Variants in DNAH5 observed in about 807,000 individuals in gnomAD.
The protein encoded by DNAH5 is axonemal beta dynein heavy chain 5.
In DNAH5, 372 loss-of-function variants were observed where a neutral mutation model predicts 518.2. The observed-to-expected ratio is 0.72, with a 90% confidence interval of 0.66 to 0.78. DNAH5 has a LOEUF of 0.78. DNAH5 is among the 30% of genes least tolerant of loss of function. The pLI is 0.00. For synonymous variants in DNAH5, 2,039 were observed against 2,025.9 expected, an observed-to-expected ratio of 1.01 and a Z score of -0.17; for missense variants, 5,523 against 5,687.0, an observed-to-expected ratio of 0.97 and a Z score of 0.93.
chr5:13,895,792 C>G (rs1773850001), intron 15 of DNAH5, among the ~76,000 whole-genome samples: 1 of 151,976 alleles, frequency 6.6e-6, no homozygotes, highest in South Asian at 2.1e-4. Flanking sequence ...GCAGACATTT[C>G]AAACTTAATA....
At chr5:13,824,505 A>G (rs561110172) in intron 38 of DNAH5, among the ~76,000 whole-genome samples, 172 bp from the exon 39 acceptor site, 1 of 152,334 alleles carries the variant, frequency 6.6e-6, no homozygotes, top group African/African-American at 2.4e-5. Context: ...GTTTTGAGCA[A>G]ATAGGGAATA....
At chr5:13,729,232 C>A (rs1746169135) in intron 69 of DNAH5, among the ~76,000 whole-genome samples, 1 of 152,212 alleles carries the variant, frequency 6.6e-6, no homozygotes, top group Non-Finnish European at 1.5e-5. Flanking sequence ...TTCCTGGGCA[C>A]ATTTCTACCT....
rs1188153066 is a variant in DNAH5, at chr5:13,797,705, C to T, written c.7888-3647G>A. Among the ~76,000 whole-genome samples the T allele has an allele frequency of 2.0e-5, 3 of 152,108 alleles. No homozygotes were observed. The East Asian group carries it at 5.8e-4, about 29-fold the overall frequency. ...TTGACCCAGCAATCCCATTACTGGGCATATACCAAAAGGATTATAAATCAT... is the reference window on the plus strand; with the variant it reads ...TTGACCCAGCAATCCCATTACTGGGTATATACCAAAAGGATTATAAATCAT... On this transcript the variant is annotated intron_variant, in intron 47 of 78. Coordinates refer to ENST00000265104, the MANE Select transcript of DNAH5 (RefSeq NM_001369.3).
At chr5:13,879,554 C>A (rs924960369) in intron 21 of DNAH5, among the ~76,000 whole-genome samples, 2 of 151,866 alleles carry the variant, frequency 1.3e-5, no homozygotes, top group African/African-American at 2.4e-5. Context: ...AAGATCCTCA[C>A]CAATATCAAG....
rs145209155 is a variant in DNAH5, at chr5:13,788,881, G to A, written c.8482C>T (p.Arg2828Cys). The change falls in exon 51 of 79, where the codon CGT (arginine) becomes TGT (cysteine). Residue 2828 changes from arginine to cysteine, a missense_variant. By Grantham distance (180) the Arg-to-Cys change is radical. Around this residue, in one of 3 missense-constraint regions of DNAH5, gnomAD observed 5,121 missense variants for 5,223.3 expected, o/e 0.98. Coordinates refer to ENST00000265104, the MANE Select transcript of DNAH5 (RefSeq NM_001369.3). ...ACTGTGAAACGGTCAGCTATAACAC[G>A]TTTACACTCATGCTTCCACAGCTTT... is the stretch of plus-strand genomic sequence containing the variant. ...LLKLWKHECK[R>C]VIADRFTVSS... 136 of 1,613,868 alleles carry A rather than the reference G, an allele frequency of 8.4e-5. No homozygotes were observed. The highest frequency in any genetic ancestry group is 1.5e-4 in the Admixed American group (9 of 59,968).
intron 46 of DNAH5, 61 bp from the exon 47 acceptor site, chr5:13,807,786 T>G (rs1759869607): frequency 6.9e-7 from 1 of 1,445,432 alleles, no homozygotes. Flanking sequence ...GGGCTGAATT[T>G]GTCCCCCCAA....
rs778914529 is a variant in DNAH5 at position 13,830,154 on chromosome 5, C to T, written c.6121G>A (p.Val2041Ile). 1 of 1,613,994 alleles carries T rather than the reference C, an allele frequency of 6.2e-7. No homozygotes were observed. Among genetic ancestry groups the T allele is most frequent in the Non-Finnish European group, 8.5e-7 (1 of 1,179,962 alleles). Residue 2041 changes from valine (V) to isoleucine (I), a missense_variant, in exon 37 of 79, where the codon GTT (valine) becomes ATT (isoleucine). Transcript: ENST00000265104. ...FDEFNRIDLP[V>I]LSVAAQQISI... ...ATTTGCTGGGCTGCAACCGAGAGAA[C>T]TGGTAGATCAATACGGTTAAATTCA...
intron 61 of DNAH5, among the ~76,000 whole-genome samples, chr5:13,755,153 T>G (rs991502673): frequency 6.6e-6 from 1 of 152,192 alleles, no homozygotes; most frequent in African/African-American, 2.4e-5. Context: ...TGGCTCTGTT[T>G]CTTAGTGTTT....
rs6554808 is a variant in DNAH5, at chr5:13,735,038, C to A, written c.11761+93G>T. The A allele has an allele frequency of 0.58, 663,603 of 1,152,026 alleles. 192,597 individuals carry two copies. The highest frequency in any genetic ancestry group is 0.69 in the African/African-American group (45,146 of 65,790). 71.4% of individuals were successfully genotyped at this position (1,152,026 alleles called of 1,614,324 possible). ...AAATGCAGTCTTACATAATGCAAGG[C>A]AATTGTTATAACCAAAAAATGTACT... On this transcript the variant is annotated intron_variant, in intron 68 of 78. Transcript: ENST00000265104.
At chr5:13,717,966 AAAT>A (rs1051314087) in intron 72 of DNAH5, among the ~76,000 whole-genome samples, 79 of 152,270 alleles carry the variant, frequency 5.2e-4, no homozygotes, top group African/African-American at 1.7e-3. Context: ...TACATGCTCC[AAAT>A]AATAATGATT....
intron 1 of DNAH5, among the ~76,000 whole-genome samples, chr5:14,006,090 CGTT>C (rs1784709177): frequency 1.3e-5 from 2 of 150,618 alleles, no homozygotes; most frequent in Non-Finnish European, 2.9e-5. Flanking sequence ...CCAACCCTGG[CGTT>C]GTGTTCCCAT....
rs2127015093 is a variant in DNAH5, at chr5:13,810,211, A to AAC, written c.7455_7456dup (p.Phe2486CysfsTer86). ...CGCCCCCGCGCTCCACAGCAGCGCG[A>AAC]ACACGAACAGCCGCCCCAGGTGAGC... On this transcript the variant is annotated frameshift_variant, in exon 45 of 79. Transcript: ENST00000265104. LOFTEE classifies it high-confidence loss of function. 1 of 1,550,506 alleles carries AAC rather than the reference A, an allele frequency of 6.4e-7. No individual in the cohort carries two copies. The highest frequency in any genetic ancestry group is 8.7e-7 in the Non-Finnish European group (1 of 1,146,868).
intron 49 of DNAH5, 108 bp downstream of exon 49, chr5:13,793,407 G>A: frequency 2.3e-6 from 2 of 884,454 alleles, no homozygotes; most frequent in Non-Finnish European, 3.8e-6. Context: ...GTAGACCAAG[G>A]AGCCACCCAG....
rs775681741 is a variant in DNAH5 at position 13,839,402 on chromosome 5, A to G, written c.5836T>C (p.Phe1946Leu). Residue 1946 changes from phenylalanine (F) to leucine (L), a missense_variant, in exon 35 of 79, where the codon TTT (phenylalanine) becomes CTT (leucine). Physicochemically the swap from Phe to Leu is conservative, Grantham distance 22. This residue lies in a region of DNAH5 where 5,121 missense variants were observed against 5,223.3 expected (regional missense o/e 0.98). Transcript: ENST00000265104. ...ACAAGCCTGTCAGTGCAGCCTAAAA[A>G]TTCATTCTGGTATATGAACGCCACA... The part of the protein sequence containing the change: ...TDVAFIYQNE[F>L]LGCTDRLVIT... The G allele has an allele frequency of 2.5e-6, 4 of 1,614,112 alleles. No individual in the cohort carries two copies. The South Asian group carries it at 4.4e-5, about 18-fold the overall frequency.
At chr5:13,910,850 C>T (rs1775894948) in intron 12 of DNAH5, among the ~76,000 whole-genome samples, 1 of 152,226 alleles carries the variant, frequency 6.6e-6, no homozygotes, top group Non-Finnish European at 1.5e-5. Flanking sequence ...ATGGCATAAA[C>T]TGCTCATGTG....
chr5:13,813,471 A>C (rs1760999026), intron 43 of DNAH5, among the ~76,000 whole-genome samples: 1 of 151,532 alleles, frequency 6.6e-6, no homozygotes, highest in African/African-American at 2.4e-5. Flanking sequence ...AAAAAAAAAA[A>C]AACAATCCTG....
intron 3 of DNAH5, among the ~76,000 whole-genome samples, chr5:13,926,387 A>C (rs1159945526): frequency 4.6e-5 from 7 of 152,232 alleles, no homozygotes; most frequent in African/African-American, 1.7e-4. Context: ...CTTCCCTCTT[A>C]CCTCTGCCCT....
chr5:13,691,787 A>G lies in DNAH5; in HGVS notation c.*197T>C. The G allele has an allele frequency of 1.6e-6, 1 of 642,078 alleles. No homozygotes were observed. Among genetic ancestry groups the G allele is most frequent in the Admixed American group, 2.9e-5 (1 of 34,172 alleles). 39.8% of individuals were successfully genotyped at this position (642,078 alleles called of 1,614,324 possible). ...TTTATATCACTAAATAACATTTTCA[A>G]CAAACTCAGACATTGGTCACTAATG... On this transcript the variant is annotated 3_prime_UTR_variant, in exon 79 of 79. Transcript: ENST00000265104.
At position 13,901,368 on chromosome 5, in the gene DNAH5, G is replaced by T; in HGVS notation, c.1936C>A (p.Gln646Lys). ...RIQQPMQLFQ[Q>K]HPAVLSTAEA... ...GCCGTGCTTAGCACAGCTGGGTGCT[G>T]CTGGAAAAGCTGCATGGGCTGCTGA... Residue 646 changes from glutamine to lysine, a missense_variant, in exon 14 of 79, where the codon CAG becomes AAG. This residue lies in a region of DNAH5 where 5,121 missense variants were observed against 5,223.3 expected (regional missense o/e 0.98). Transcript: ENST00000265104. The T allele has an allele frequency of 1.2e-6, 2 of 1,614,156 alleles. No homozygotes were observed. Among genetic ancestry groups the T allele is most frequent in the Non-Finnish European group, 1.7e-6 (2 of 1,180,010 alleles).
Sources: gnomAD v4.1 joint callset for allele counts (sites outside exome capture counted in the v4.1 genomes callset) on GRCh38, gnomAD v4.1.1 for gene constraint, gnomAD v4.1.1 regional missense constraint, MANE v1.5 for transcripts, NCBI Gene and HGNC (gene_info 2026-07-23, HGNC 2026-07-21) for gene names.